The following AFG1L variants were observed in gnomAD, a reference collection of about 807,000 sequenced individuals.
AFG1L encodes the protein AFG1-like ATPase.
In AFG1L, 53 loss-of-function variants were observed where a neutral mutation model predicts 62.2. The ratio of observed to expected loss-of-function variants is 0.85; its 90% confidence interval spans 0.68 to 1.07. AFG1L has a LOEUF of 1.07. Among genes scored for constraint, AFG1L ranks in the 50% least tolerant of loss-of-function variants. The pLI is 0.00. For missense variants in AFG1L, 555 were observed against 590.5 expected (o/e 0.94, Z 0.62); for synonymous variants, 228 against 210.3 (o/e 1.08, Z -0.73).
chr6:108,391,723 G>C (rs891240495), intron 6 of AFG1L, among the ~76,000 whole-genome samples: 1 of 151,976 alleles, frequency 6.6e-6, no homozygotes, highest in Admixed American at 6.6e-5. Flanking sequence ...GTCTAGAAGG[G>C]TTTTTTTGAT....
chr6:108,504,601 G>C (rs1334292104), intron 10 of AFG1L, among the ~76,000 whole-genome samples: 1 of 152,194 alleles, frequency 6.6e-6, no homozygotes, highest in East Asian at 1.9e-4. Flanking sequence ...ATGTGACACA[G>C]AGACATGAAG....
rs751651124 is a variant in AFG1L, at chr6:108,347,018, C to A, written c.394C>A (p.Leu132Met). The change falls in exon 3 of 13, where the codon CTG becomes ATG. Residue 132 changes from leucine to methionine, a missense_variant. Physicochemically the swap from Leu to Met is conservative, Grantham distance 15. Coordinates refer to ENST00000368977, the MANE Select transcript of AFG1L (RefSeq NM_145315.5). Reference protein sequence around the residue: ...LFSRSKPPRGLYVYGDVGTGK... With the variant: ...LFSRSKPPRGMYVYGDVGTGK... Reference sequence around the variant, plus strand: ...TTCAAGGAGCAAACCTCCAAGGGGCCTGTATGTTTATGGAGATGTTGGTAA... The same window carrying A: ...TTCAAGGAGCAAACCTCCAAGGGGCATGTATGTTTATGGAGATGTTGGTAA... 3.7e-6 allele frequency: 6 copies of A among 1,613,196 alleles called. No homozygotes were observed. Among genetic ancestry groups the A allele is most frequent in the South Asian group, 3.3e-5 (3 of 91,026 alleles).
At chr6:108,311,837 T>G (rs1331130109) in intron 1 of AFG1L, among the ~76,000 whole-genome samples, 1 of 152,058 alleles carries the variant, frequency 6.6e-6, no homozygotes, top group Admixed American at 6.6e-5. Context: ...CCAGGATAAT[T>G]AAGTTATTTA....
At chr6:108,448,210 TATAGGAG>T (rs1312107554) in intron 8 of AFG1L, among the ~76,000 whole-genome samples, 1 of 152,224 alleles carries the variant, frequency 6.6e-6, no homozygotes, top group Non-Finnish European at 1.5e-5. Context: ...TGATGATTAT[TATAGGAG>T]ATTCTTCATT....
intron 6 of AFG1L, among the ~76,000 whole-genome samples, chr6:108,378,454 G>A (rs890890250): frequency 6.6e-6 from 1 of 152,114 alleles, no homozygotes; most frequent in Admixed American, 6.6e-5. Flanking sequence ...GAGTAGCTGG[G>A]ATTACAGGCA....
chr6:108,312,464 T>C (rs1403835402), intron 1 of AFG1L, among the ~76,000 whole-genome samples: 2 of 152,166 alleles, frequency 1.3e-5, no homozygotes, highest in Non-Finnish European at 2.9e-5. Context: ...AGAGAATCAC[T>C]TGAACCCAGG....
chr6:108,500,171 C>CGTGT (rs61654685), intron 10 of AFG1L, among the ~76,000 whole-genome samples: 17,832 of 134,920 alleles, frequency 0.13, 1,269 homozygotes, highest in African/African-American at 0.18. Context: ...ATGGTGCGTG[C>CGTGT]GTGTGTGTGT....
intron 2 of AFG1L, among the ~76,000 whole-genome samples, chr6:108,327,576 A>G (rs1237314082): frequency 6.6e-6 from 1 of 152,156 alleles, no homozygotes; most frequent in African/African-American, 2.4e-5. Flanking sequence ...CTCTTTTGTA[A>G]GGGCACTAAT....
intron 11 of AFG1L, 59 bp from the exon 12 acceptor site, chr6:108,519,637 CT>C: frequency 1.1e-6 from 1 of 890,030 alleles, no homozygotes; most frequent in Non-Finnish European, 1.8e-6. Flanking sequence ...TGAGATTTTT[CT>C]TACCTTCAAC....
chr6:108,295,114 G>C lies in AFG1L; in HGVS notation c.35G>C (p.Arg12Pro), dbSNP rs1039947549. ...TCCTGGTCGCTCTTGGTTACCCTGC[G>C]CCCCTTAGCACAGAGCCCGCTGAGA... ...AASWSLLVTL[R>P]PLAQSPLRGR... Residue 12 changes from arginine to proline, a missense_variant, in exon 1 of 13, where the codon CGC becomes CCC. Coordinates refer to ENST00000368977, the MANE Select transcript of AFG1L (RefSeq NM_145315.5). The C allele has an allele frequency of 1.7e-5, 28 of 1,611,380 alleles. No individual in the cohort carries two copies. Among genetic ancestry groups the C allele is most frequent in the Non-Finnish European group, 2.3e-5 (27 of 1,180,000 alleles).
intron 8 of AFG1L, among the ~76,000 whole-genome samples, chr6:108,451,198 C>T (rs1179693026): frequency 3.3e-5 from 5 of 152,148 alleles, no homozygotes; most frequent in Admixed American, 2.6e-4. Context: ...ACACCAAGCG[C>T]TATCTCAGAA....
chr6:108,400,601 A>T (rs993049018), intron 6 of AFG1L, among the ~76,000 whole-genome samples: 4 of 134,924 alleles, frequency 3.0e-5, no homozygotes, highest in Non-Finnish European at 6.2e-5. Flanking sequence ...TAATTTATAT[A>T]TTTATATATA....
intron 1 of AFG1L, among the ~76,000 whole-genome samples, chr6:108,318,852 T>C (rs1777704186): frequency 6.6e-6 from 1 of 152,206 alleles, no homozygotes. Flanking sequence ...ATCAAAATAA[T>C]ATGGCAGCAG....
chr6:108,417,235 AAC>A (rs147614070), intron 7 of AFG1L, among the ~76,000 whole-genome samples: 12,643 of 133,300 alleles, frequency 0.095, 725 homozygotes, highest in South Asian at 0.29. Context: ...CATTGTCTTA[AAC>A]ACACACACAC....
chr6:108,453,452 T>A (rs1269307660), intron 8 of AFG1L, among the ~76,000 whole-genome samples: 1 of 152,192 alleles, frequency 6.6e-6, no homozygotes, highest in South Asian at 2.1e-4. Flanking sequence ...AGAATATAAC[T>A]TTGAACACCA....
At chr6:108,313,215 C>T (rs893729984) in intron 1 of AFG1L, among the ~76,000 whole-genome samples, 3 of 152,150 alleles carry the variant, frequency 2.0e-5, no homozygotes, top group Admixed American at 6.6e-5. Context: ...ATTCCTTCCA[C>T]TATTATAACA....
At chr6:108,471,954 A>C (rs887207187) in intron 8 of AFG1L, among the ~76,000 whole-genome samples, 1 of 152,226 alleles carries the variant, frequency 6.6e-6, no homozygotes, top group Non-Finnish European at 1.5e-5. Flanking sequence ...CGCAGTGTCC[A>C]TTGATGGATA....
At chr6:108,297,117 A>T (rs1776792228) in intron 1 of AFG1L, among the ~76,000 whole-genome samples, 1 of 151,840 alleles carries the variant, frequency 6.6e-6, no homozygotes, top group African/African-American at 2.4e-5. Context: ...TTATTTATTT[A>T]TTTTTTTGAG....
intron 1 of AFG1L, among the ~76,000 whole-genome samples, chr6:108,319,964 T>A (rs976938205): frequency 1.3e-5 from 2 of 152,124 alleles, no homozygotes; most frequent in Non-Finnish European, 2.9e-5. Flanking sequence ...GAGGGGGATA[T>A]GAAAAGGGTG....
Sources: allele counts gnomAD v4.1 joint callset (sites outside exome capture counted in the v4.1 genomes callset), GRCh38; gene constraint gnomAD v4.1.1; transcripts MANE v1.5; gene names NCBI Gene and HGNC (gene_info 2026-07-23, HGNC 2026-07-21).